The following OPCML variants were observed in gnomAD, a reference collection of about 807,000 sequenced individuals.
OPCML encodes the protein opioid-binding protein/cell adhesion molecule.
A neutral mutation model predicts 37.8 loss-of-function variants in OPCML; 13 were observed. That is an observed-to-expected ratio of 0.34 (90% CI 0.22 to 0.55). The LOEUF is 0.55. Ranked by LOEUF, OPCML falls within the 20% of genes least tolerant of loss-of-function variation. The probability of loss-of-function intolerance (pLI) is 0.91; values close to 1 mark genes in which losing one functional copy is unlikely to be tolerated. For synonymous variants in OPCML, 176 were observed against 168.8 expected, an observed-to-expected ratio of 1.04 and a Z score of -0.33; for missense variants, 341 against 435.6, an observed-to-expected ratio of 0.78 and a Z score of 1.93.
intron 4 of OPCML, among the ~76,000 whole-genome samples, chr11:132,460,336 T>C (rs962436367): frequency 6.6e-6 from 1 of 152,190 alleles, no homozygotes. Flanking sequence ...ATTGCTTTTG[T>C]ACTAACAGGA....
At chr11:132,583,704 C>A (rs188396069) in intron 3 of OPCML, among the ~76,000 whole-genome samples, 1 of 152,194 alleles carries the variant, frequency 6.6e-6, no homozygotes, top group East Asian at 1.9e-4. Flanking sequence ...GCAACCTCCT[C>A]CTGGGTTCAA....
Position 132,416,896 on chromosome 11 carries a change from A to G in OPCML, c.*3297T>C, listed in dbSNP as rs1034167216. ...TCAGGCACTTGACATTAAACTACTG[A>G]AAAACAAGCTTGGCTGCAGCCTTAA... is the stretch of plus-strand genomic sequence containing the variant. On this transcript the variant is annotated 3_prime_UTR_variant, in exon 8 of 8. Coordinates refer to ENST00000524381, the MANE Select transcript of OPCML (RefSeq NM_001012393.5). 8 of 152,572 alleles carry G rather than the reference A, an allele frequency of 5.2e-5. No homozygotes were observed. The highest frequency in any genetic ancestry group is 1.9e-4 in the African/African-American group (8 of 41,424). The allele number at this position is 152,572 out of a possible 1,614,324, so 9.5% of individuals were successfully genotyped here. A position where few individuals can be genotyped will look rare whatever the true frequency, so the allele number is the denominator to read the frequency against.
In OPCML at chr11:133,015,372, GAAGGAAGGAAGGAAGGAAGGAAT is replaced by G. The variant is rs1170157788; in HGVS notation, c.62-72385_62-72363del. ...GGGAGGGAGGAAGGAAGGGAGGAAT[GAAGGAAGGAAGGAAGGAAGGAAT>G]GAAGGAAGGAAGGAAGGAAGGAAGG... On this transcript the variant is annotated intron_variant, in intron 1 of 7. Transcript: ENST00000524381. 6.2e-3 allele frequency among the ~76,000 whole-genome samples: 495 copies of G among 79,674 alleles called. 13 individuals are homozygous for G. Among genetic ancestry groups the G allele is most frequent in the African/African-American group, 0.029 (457 of 15,734 alleles). The allele number at this position is 79,674 out of a possible 152,430, so 52.3% of individuals were successfully genotyped here.
At chr11:132,632,290 C>T (rs1373026474) in intron 3 of OPCML, among the ~76,000 whole-genome samples, 5 of 133,604 alleles carry the variant, frequency 3.7e-5, no homozygotes, top group Non-Finnish European at 6.1e-5. Context: ...GGAGATCACA[C>T]AGTTGTGGAA....
intron 4 of OPCML, 64 bp from the exon 5 acceptor site, chr11:132,437,423 T>C: frequency 6.3e-7 from 1 of 1,585,588 alleles, no homozygotes; most frequent in Admixed American, 1.8e-5. Flanking sequence ...AGAACCATAT[T>C]CACATCTAGA....
Position 132,666,981 on chromosome 11 carries a change from A to G in OPCML, c.147-9662T>C, listed in dbSNP as rs1237544920. ...ATTGCATCCCTATAGATGTGAGAGT[A>G]CAGTCACATGATGAAAGGGTCTGCC... On this transcript the variant is annotated intron_variant, in intron 2 of 7. Coordinates refer to ENST00000524381, the MANE Select transcript of OPCML (RefSeq NM_001012393.5). 3.3e-5 allele frequency among the ~76,000 whole-genome samples: 5 copies of G among 152,350 alleles called. No individual in the cohort carries two copies. In the East Asian group the frequency reaches 9.7e-4, roughly 29 times the overall value.
chr11:133,420,566 T>C, intron 1 of OPCML: 1 of 984,378 alleles, frequency 1.0e-6, no homozygotes, highest in South Asian at 4.7e-5. Flanking sequence ...AACATGCTAT[T>C]TACTCCCTCA....
chr11:133,303,082 G>A (rs1485264668), intron 1 of OPCML, among the ~76,000 whole-genome samples: 1 of 152,144 alleles, frequency 6.6e-6, no homozygotes, highest in Non-Finnish European at 1.5e-5. Flanking sequence ...GCTGATCGTG[G>A]TTATGAAATA....
chr11:133,094,858 CA>C (rs1171729683), intron 1 of OPCML, among the ~76,000 whole-genome samples: 1 of 152,072 alleles, frequency 6.6e-6, no homozygotes, highest in East Asian at 1.9e-4. Context: ...GATTTCATGA[CA>C]ACATGAATAT....
intron 2 of OPCML, among the ~76,000 whole-genome samples, chr11:132,748,674 C>T (rs1591552304): frequency 6.6e-6 from 1 of 152,026 alleles, no homozygotes; most frequent in South Asian, 2.1e-4. Context: ...AGAGCCTTAG[C>T]TTTGACTCTG....
At chr11:132,684,621 A>C (rs1943091074) in intron 2 of OPCML, among the ~76,000 whole-genome samples, 1 of 152,228 alleles carries the variant, frequency 6.6e-6, no homozygotes, top group Admixed American at 6.5e-5. Context: ...TATAATTATA[A>C]AACCAATGGA....
chr11:132,620,581 A>G (rs1939338335), intron 3 of OPCML, among the ~76,000 whole-genome samples: 1 of 152,218 alleles, frequency 6.6e-6, no homozygotes, highest in Non-Finnish European at 1.5e-5. Context: ...CACTGGCTAC[A>G]TAGCAACAAT....
chr11:133,355,472 T>G (rs1944262918), intron 1 of OPCML, among the ~76,000 whole-genome samples: 1 of 152,136 alleles, frequency 6.6e-6, no homozygotes, highest in Admixed American at 6.5e-5. Context: ...AAATGAGAGT[T>G]ACAGAAAAAG....
rs771300223 is a variant in OPCML, at chr11:133,309,413, T to G, written c.61+222851A>C. Among the ~76,000 whole-genome samples the G allele has an allele frequency of 6.6e-5, 10 of 152,250 alleles. 1 individual carries two copies. The highest frequency in any genetic ancestry group is 2.6e-4 in the Admixed American group (4 of 15,302). On this transcript the variant is annotated intron_variant, in intron 1 of 7. Transcript: ENST00000524381. Reference sequence around the variant, plus strand: ...AATTGTGGAATATTGTACAAAGCAATGAACCAGTACTCTGAAAGTGTCAAG... The same window carrying G: ...AATTGTGGAATATTGTACAAAGCAAGGAACCAGTACTCTGAAAGTGTCAAG...
intron 1 of OPCML, among the ~76,000 whole-genome samples, chr11:133,303,739 G>T (rs1942841624): frequency 1.3e-5 from 2 of 152,052 alleles, no homozygotes; most frequent in Non-Finnish European, 2.9e-5. Flanking sequence ...TGAGAGAGCA[G>T]CTTGAAATGT....
intron 2 of OPCML, among the ~76,000 whole-genome samples, chr11:132,910,086 C>A (rs1944373731): frequency 6.6e-6 from 1 of 152,110 alleles, no homozygotes; most frequent in Non-Finnish European, 1.5e-5. Context: ...AAAATAGAAA[C>A]CTTTCCTGCA....
intron 3 of OPCML, among the ~76,000 whole-genome samples, chr11:132,531,586 AG>A (rs1181543842): frequency 6.6e-6 from 1 of 152,198 alleles, no homozygotes; most frequent in Non-Finnish European, 1.5e-5. Context: ...AATCTACATT[AG>A]CAAATAAATA....
At chr11:133,460,853 C>T (rs931780958) in intron 1 of OPCML, among the ~76,000 whole-genome samples, 5 of 151,758 alleles carry the variant, frequency 3.3e-5, no homozygotes, top group Admixed American at 6.6e-5. Context: ...TAGGATTCAA[C>T]AGCATATTAA....
At chr11:132,569,908 A>G (rs935015431) in intron 3 of OPCML, among the ~76,000 whole-genome samples, 1 of 151,944 alleles carries the variant, frequency 6.6e-6, no homozygotes, top group Admixed American at 6.6e-5. Context: ...GAAATGACAA[A>G]TTTCACCACC....
Sources: allele counts gnomAD v4.1 joint callset (sites outside exome capture counted in the v4.1 genomes callset), GRCh38; gene constraint gnomAD v4.1.1; transcripts MANE v1.5; gene names NCBI Gene and HGNC (gene_info 2026-07-23, HGNC 2026-07-21).